Variants in SCHIP1 observed in about 807,000 individuals in gnomAD.
SCHIP1 encodes schwannomin-interacting protein 1.
In SCHIP1, 8 loss-of-function variants were observed where a neutral mutation model predicts 29.7. The ratio of observed to expected loss-of-function variants is 0.27; its 90% CI spans 0.16 to 0.49. The LOEUF (loss-of-function observed/expected upper bound fraction) is 0.49, where lower values mean the gene tolerates loss of function less well. SCHIP1 is among the 20% of genes least tolerant of loss of function. The pLI is 0.99. For missense variants in SCHIP1, 193 were observed against 294.6 expected (o/e 0.66, Z 2.52); for synonymous variants, 76 against 94.9 (o/e 0.80, Z 1.16).
the SCHIP1 span, among the ~76,000 whole-genome samples, chr3:159,665,722 A>G: frequency 1.8e-4 from 28 of 152,268 alleles, no homozygotes; most frequent in East Asian, 5.4e-3. Flanking sequence ...CTGGAGGAAT[A>G]AGCAGTGGAG....
chr3:159,674,053 T>G, the SCHIP1 span, among the ~76,000 whole-genome samples: 2 of 152,172 alleles, frequency 1.3e-5, no homozygotes, highest in African/African-American at 4.8e-5. Context: ...TTTACATATT[T>G]TTATCACACT....
chr3:159,518,312 G>T, the SCHIP1 span, among the ~76,000 whole-genome samples: 8 of 152,098 alleles, frequency 5.3e-5, no homozygotes, highest in East Asian at 7.7e-4. Context: ...GGAAGAATGG[G>T]GTTTGGGGAG....
At chr3:159,290,975 C>T in the SCHIP1 span, among the ~76,000 whole-genome samples, 7 of 152,082 alleles carry the variant, frequency 4.6e-5, no homozygotes, top group East Asian at 1.3e-3. Context: ...ATTCTTAGTT[C>T]TTTTCCATGA....
the SCHIP1 span, among the ~76,000 whole-genome samples, chr3:159,569,782 CCAA>C: frequency 6.6e-6 from 1 of 152,200 alleles, no homozygotes; most frequent in South Asian, 2.1e-4. Flanking sequence ...TACACTCCCA[CCAA>C]CAATTAAAAG....
intron 1 of SCHIP1, among the ~76,000 whole-genome samples, chr3:159,864,682 A>G (rs1714434296): frequency 6.6e-6 from 1 of 152,126 alleles, no homozygotes; most frequent in Non-Finnish European, 1.5e-5. Context: ...GTTTCTTTGA[A>G]CTAGTTCTCA....
intron 2 of SCHIP1, among the ~76,000 whole-genome samples, chr3:159,881,676 C>T (rs183822097): frequency 6.6e-6 from 1 of 152,322 alleles, no homozygotes; most frequent in East Asian, 1.9e-4. Flanking sequence ...AATCAGAAGT[C>T]CAGCCTGTAG....
chr3:159,328,876 C>T, the SCHIP1 span, among the ~76,000 whole-genome samples: 4 of 152,158 alleles, frequency 2.6e-5, no homozygotes, highest in South Asian at 2.1e-4. Flanking sequence ...ACTGTGTCTT[C>T]GGTCAGGTTA....
At chr3:159,612,046 A>G in the SCHIP1 span, among the ~76,000 whole-genome samples, 1 of 152,198 alleles carries the variant, frequency 6.6e-6, no homozygotes, top group Non-Finnish European at 1.5e-5. Context: ...TCAAAACTTT[A>G]CAGGCATTAA....
the SCHIP1 span, among the ~76,000 whole-genome samples, chr3:159,819,656 C>T: frequency 2.3e-3 from 351 of 152,348 alleles, 1 homozygote; most frequent in Non-Finnish European, 3.8e-3. Flanking sequence ...GGAATGTTTT[C>T]ATAGCAGAGA....
chr3:159,694,550 AAGAAAGAAAG>A, the SCHIP1 span, among the ~76,000 whole-genome samples: 129 of 43,578 alleles, frequency 3.0e-3, no homozygotes, highest in African/African-American at 9.3e-3. Context: ...GAAAGAAAGA[AAGAAAGAAAG>A]AAAGAAAGAA....
chr3:159,811,364 T>C, the SCHIP1 span, among the ~76,000 whole-genome samples: 1 of 151,044 alleles, frequency 6.6e-6, no homozygotes, highest in Non-Finnish European at 1.5e-5. Flanking sequence ...AAGAACTCTT[T>C]GTCTAACTTA....
At chr3:159,424,830 A>G in the SCHIP1 span, among the ~76,000 whole-genome samples, 3 of 152,250 alleles carry the variant, frequency 2.0e-5, no homozygotes, top group Non-Finnish European at 4.4e-5. Context: ...CCATCAGACT[A>G]ACAGCGGATC....
At chr3:159,709,852 CAAG>C in the SCHIP1 span, among the ~76,000 whole-genome samples, 2 of 152,056 alleles carry the variant, frequency 1.3e-5, no homozygotes, top group Non-Finnish European at 2.9e-5. Flanking sequence ...CATCTTGTTA[CAAG>C]AAGATTTAAT....
chr3:159,785,817 G>A, the SCHIP1 span, among the ~76,000 whole-genome samples: 1 of 152,148 alleles, frequency 6.6e-6, no homozygotes, highest in Non-Finnish European at 1.5e-5. Context: ...GCTGTTTGTA[G>A]AAACAAAAGA....
the SCHIP1 span, among the ~76,000 whole-genome samples, chr3:159,748,207 T>G: frequency 6.6e-6 from 1 of 152,228 alleles, no homozygotes; most frequent in South Asian, 2.1e-4. Flanking sequence ...AATTGCTAGA[T>G]GCCATTGATT....
the SCHIP1 span, among the ~76,000 whole-genome samples, chr3:159,713,228 GAAAGGAAGAAAGAAAGAAAGAA>G: frequency 2.1e-4 from 24 of 112,326 alleles, no homozygotes; most frequent in African/African-American, 8.8e-4. Context: ...GAGAGAGAAA[GAAAGGAAGAAAGAAAGAAAGAA>G]AGAAAGAAAG....
the SCHIP1 span, among the ~76,000 whole-genome samples, chr3:159,796,249 G>A: frequency 6.6e-6 from 1 of 152,076 alleles, no homozygotes; most frequent in Non-Finnish European, 1.5e-5. Context: ...TTAAGAAAAG[G>A]TACTCCCGAA....
the SCHIP1 span, among the ~76,000 whole-genome samples, chr3:159,659,927 T>C: frequency 7.9e-5 from 12 of 152,174 alleles, no homozygotes; most frequent in African/African-American, 2.9e-4. Context: ...TATCGTGTAT[T>C]CTGGCGATCT....
the SCHIP1 span, among the ~76,000 whole-genome samples, chr3:159,453,731 A>C: frequency 6.6e-6 from 1 of 152,172 alleles, no homozygotes; most frequent in Non-Finnish European, 1.5e-5. Context: ...TCTGACCCAG[A>C]CTTCTTGATT....
Sources: allele counts gnomAD v4.1 joint callset (sites outside exome capture counted in the v4.1 genomes callset), GRCh38; gene constraint gnomAD v4.1.1; transcripts MANE v1.5; gene names NCBI Gene and HGNC (gene_info 2026-07-23, HGNC 2026-07-21).